Variants in ANKRD13D observed in about 807,000 individuals in gnomAD.
The protein encoded by ANKRD13D is ankyrin repeat domain 13D, also known as ankyrin repeat domain-containing protein 13D.
ANKRD13D carries 24 observed loss-of-function variants against 68.8 expected under a neutral mutation model. That is an observed-to-expected ratio of 0.35 (90% CI 0.25 to 0.49). The LOEUF is 0.49. ANKRD13D is among the 20% of genes least tolerant of loss of function. ANKRD13D has a pLI of 0.99. For missense variants in ANKRD13D, 735 were observed against 832.1 expected (o/e 0.88, Z 1.44); for synonymous variants, 331 against 336.1 (o/e 0.98, Z 0.16).
chr11:67,299,984 C>T lies in ANKRD13D; in HGVS notation c.943-9C>T, dbSNP rs373727800. 53 of 1,610,074 alleles carry T rather than the reference C, an allele frequency of 3.3e-5. No homozygotes were observed. Among genetic ancestry groups the T allele is most frequent in the Non-Finnish European group, 4.1e-5 (48 of 1,177,702 alleles). On this transcript the variant is annotated splice_polypyrimidine_tract_variant and intron_variant, in intron 9 of 14. Coordinates refer to ENST00000511455, the MANE Select transcript of ANKRD13D (RefSeq NM_207354.3). The surrounding 1 kb of genome is among the most constrained non-coding windows in gnomAD (Gnocchi z 6.2). ...CTTGATGGCTGAGTCCGCCCTGGGACCCACGCAGGCCCCCGTGCAGCAGGC... is the reference window on the plus strand; with the variant it reads ...CTTGATGGCTGAGTCCGCCCTGGGATCCACGCAGGCCCCCGTGCAGCAGGC...
chr11:67,299,156 TAGG>T lies in ANKRD13D; in HGVS notation c.798+35_798+37del, dbSNP rs776271108. ...GAGGCTAGGGGTGGGGGGCTGGGGG[TAGG>T]AGATGAGGTCCAGGAACTCAGCTCC... On this transcript the variant is annotated intron_variant, in intron 7 of 14. Transcript: ENST00000511455. The surrounding 1 kb of genome is among the most constrained non-coding windows in gnomAD (Gnocchi z 6.2). 1.2e-5 allele frequency: 15 copies of T among 1,210,474 alleles called. No individual in the cohort carries two copies. The highest frequency in any genetic ancestry group is 1.8e-5 in the Non-Finnish European group (15 of 817,334). 75.0% of individuals were successfully genotyped at this position (1,210,474 alleles called of 1,614,324 possible).
At chr11:67,290,546 T>G in intron 3 of ANKRD13D, 100 bp downstream of exon 3, 1 of 1,454,726 alleles carries the variant, frequency 6.9e-7, no homozygotes, top group East Asian at 2.5e-5. Flanking sequence ...GTTTGTGCAG[T>G]GTGCCTCCTG....
chr11:67,298,891 C>G, intron 6 of ANKRD13D, 167 bp from the exon 7 acceptor site: 3 of 674,826 alleles, frequency 4.4e-6, no homozygotes, highest in Non-Finnish European at 8.0e-6. Flanking sequence ...TCAAGTGTCC[C>G]CCCCTGTCCA....
At chr11:67,291,265 A>G in intron 3 of ANKRD13D, 1 of 565,240 alleles carries the variant, frequency 1.8e-6, no homozygotes, top group South Asian at 2.2e-5. Context: ...GCTGAGGTGG[A>G]AGAATCACCT....
intron 14 of ANKRD13D, 25 bp from the exon 15 acceptor site, chr11:67,302,094 T>C (rs1201400942): frequency 2.6e-6 from 4 of 1,520,346 alleles, no homozygotes; most frequent in Non-Finnish European, 8.8e-7. Flanking sequence ...TGGCCTGTTC[T>C]TCCCTCCCCT....
At chr11:67,294,348 A>G (rs980776131) in intron 6 of ANKRD13D, among the ~76,000 whole-genome samples, 4 of 152,224 alleles carry the variant, frequency 2.6e-5, no homozygotes, top group Admixed American at 1.3e-4. Flanking sequence ...CACTGAATCT[A>G]TAAAGCAGTT....
Position 67,301,230 on chromosome 11 carries a change from G to A in ANKRD13D, c.1232-52G>A, listed in dbSNP as rs373582844. 193 of 1,595,416 alleles carry A rather than the reference G, an allele frequency of 1.2e-4. No homozygotes were observed. Among genetic ancestry groups the A allele is most frequent in the Middle Eastern group, 5.0e-4 (3 of 5,980 alleles). On this transcript the variant is annotated intron_variant, in intron 11 of 14. Coordinates refer to ENST00000511455, the MANE Select transcript of ANKRD13D (RefSeq NM_207354.3). The surrounding 1 kb of genome is among the most constrained non-coding windows in gnomAD (Gnocchi z 4.5). ...CAGTCCCTGGAGAGCTGCAGGGGCC[G>A]GAGGCACAGGTGGCTCTCCGCCAGG... is the stretch of plus-strand genomic sequence containing the variant.
Position 67,298,903 on chromosome 11 carries a change from G to A in ANKRD13D, c.732-155G>A, listed in dbSNP as rs78657670. 1,527 of 725,836 alleles carry A rather than the reference G, an allele frequency of 2.1e-3. 18 individuals are homozygous for A. The African/African-American group carries it at 0.023, about 11-fold the overall frequency. 45.0% of individuals were successfully genotyped at this position (725,836 alleles called of 1,614,324 possible). A position where few individuals can be genotyped will look rare whatever the true frequency, so the allele number is the denominator to read the frequency against. On this transcript the variant is annotated intron_variant, in intron 6 of 14. Coordinates refer to ENST00000511455, the MANE Select transcript of ANKRD13D (RefSeq NM_207354.3). Reference sequence around the variant, plus strand: ...TGCTCAAGTGTCCCCCCCTGTCCAGGCACCCTCTTCAGGGGTCCTCCATGT... The same window carrying A: ...TGCTCAAGTGTCCCCCCCTGTCCAGACACCCTCTTCAGGGGTCCTCCATGT...
At chr11:67,291,444 G>A in intron 3 of ANKRD13D, 32 bp from the exon 4 acceptor site, 2 of 1,613,116 alleles carry the variant, frequency 1.2e-6, no homozygotes, top group Non-Finnish European at 1.7e-6. Flanking sequence ...GCAGCAGGCA[G>A]GGCGCTGACA....
chr11:67,297,321 C>T (rs1274654083), intron 6 of ANKRD13D, among the ~76,000 whole-genome samples: 3 of 151,542 alleles, frequency 2.0e-5, no homozygotes, highest in Non-Finnish European at 4.4e-5. Context: ...ATCCTCCCAC[C>T]TCAGCCTCCT....
Position 67,301,955 on chromosome 11 carries a change from C to T in ANKRD13D, c.1604+132C>T. On this transcript the variant is annotated intron_variant, in intron 14 of 14. Transcript: ENST00000511455. The surrounding 1 kb of genome is among the most constrained non-coding windows in gnomAD (Gnocchi z 4.5). The stretch of plus-strand genomic sequence containing the variant: ...CCTCTGTCAGCAGCGCTATCTGCCA[C>T]CAAAGGTGGTGTGAGGGGTGGGGAA... 1 of 1,336,466 alleles carries T rather than the reference C, an allele frequency of 7.5e-7. No individual in the cohort carries two copies. The highest frequency in any genetic ancestry group is 1.0e-6 in the Non-Finnish European group (1 of 994,024). The allele number at this position is 1,336,466 out of a possible 1,614,324, so 82.8% of individuals were successfully genotyped here.
chr11:67,289,571 C>T (rs1000515371), intron 1 of ANKRD13D, 21 bp downstream of exon 1: 26 of 1,521,228 alleles, frequency 1.7e-5, no homozygotes, highest in Non-Finnish European at 2.1e-5. Flanking sequence ...GCTGGGGCAC[C>T]CGGCCCTTCC....
chr11:67,292,024 A>G lies in ANKRD13D; in HGVS notation c.575A>G (p.Asp192Gly). The change falls in exon 6 of 15, where the codon GAC becomes GGC. Residue 192 changes from aspartate to glycine, a missense_variant. Transcript: ENST00000511455. ...AGALVMEVDHDRQVVHVETLG... is the reference protein window; with the variant it reads ...AGALVMEVDHGRQVVHVETLG... Reference sequence around the variant, plus strand: ...GCCCTGGTGATGGAAGTGGACCATGACCGGCAGGTGGTGCATGTGGAGACA... The same window carrying G: ...GCCCTGGTGATGGAAGTGGACCATGGCCGGCAGGTGGTGCATGTGGAGACA... The G allele has an allele frequency of 6.3e-7, 1 of 1,592,054 alleles. No individual in the cohort carries two copies. The highest frequency in any genetic ancestry group is 1.1e-5 in the South Asian group (1 of 90,172).
chr11:67,291,838 A>T (rs1354908114), intron 5 of ANKRD13D, 92 bp downstream of exon 5: 7 of 1,543,684 alleles, frequency 4.5e-6, no homozygotes, highest in Non-Finnish European at 6.1e-6. Flanking sequence ...CACTTTCCAG[A>T]TGTGGAAGCT....
At position 67,299,591 on chromosome 11, in the gene ANKRD13D, A is replaced by G; in HGVS notation, c.860A>G (p.Gln287Arg). ...TRTRTEHLSDQDKSRSKAGKT... is the reference protein window; with the variant it reads ...TRTRTEHLSDRDKSRSKAGKT... ...ACACGCACGGAGCACCTCTCTGATC[A>G]GGACAAGTCGAGGAGCAAAGGTAAA... Residue 287 changes from glutamine to arginine, a missense_variant, in exon 8 of 15, where the codon CAG (glutamine) becomes CGG (arginine). Transcript: ENST00000511455. This position sits in a 1 kb window ranked among gnomAD's most constrained non-coding sequence, Gnocchi z 6.2. 1.9e-6 allele frequency: 3 copies of G among 1,551,224 alleles called. No homozygotes were observed. The South Asian group carries it at 3.6e-5, about 18-fold the overall frequency.
rs1309795873 is a variant in ANKRD13D, at chr11:67,300,116, G to A, written c.1066G>A (p.Val356Ile). The change falls in exon 10 of 15, where the codon GTA becomes ATA. Residue 356 changes from valine (V) to isoleucine (I), a missense_variant. By Grantham distance (29) the Val-to-Ile change is conservative. Transcript: ENST00000511455. The surrounding 1 kb of genome is among the most constrained non-coding windows in gnomAD (Gnocchi z 4.3). ...IGRPIEMSSK[V>I]QRFKATLWLS... ...CCGCCCCATCGAGATGTCCAGCAAA[G>A]TACAGAGGTGAGGTCTGAGAGCTGG... 1 of 1,614,014 alleles carries A rather than the reference G, an allele frequency of 6.2e-7. No homozygotes were observed. The highest frequency in any genetic ancestry group is 8.5e-7 in the Non-Finnish European group (1 of 1,179,934).
chr11:67,291,809 C>T lies in ANKRD13D; in HGVS notation c.541+63C>T, dbSNP rs11227759. ...TTGGGTTTCCTGCGGCTTGGGAGGA[C>T]GGTGCTGCCTTTTCTCTCCACTTTC... On this transcript the variant is annotated intron_variant, in intron 5 of 14. Transcript: ENST00000511455. 1,077 of 1,589,142 alleles carry T rather than the reference C, an allele frequency of 6.8e-4. 3 individuals carry two copies. Among genetic ancestry groups the T allele is most frequent in the Admixed American group, 6.9e-4 (40 of 58,176 alleles).
At chr11:67,297,015 A>G (rs1312766630) in intron 6 of ANKRD13D, among the ~76,000 whole-genome samples, 4 of 152,060 alleles carry the variant, frequency 2.6e-5, no homozygotes, top group African/African-American at 7.2e-5. Flanking sequence ...TTTTGGTTTC[A>G]TTAATTTTCT....
Position 67,290,187 on chromosome 11 carries a change from G to A in ANKRD13D, c.200G>A (p.Gly67Asp), listed in dbSNP as rs1197385504. 6 of 1,537,668 alleles carry A rather than the reference G, an allele frequency of 3.9e-6. No homozygotes were observed. The highest frequency in any genetic ancestry group is 5.2e-6 in the Non-Finnish European group (6 of 1,146,888). Residue 67 changes from glycine to aspartate, a missense_variant, in exon 2 of 15, where the codon GGC (glycine) becomes GAC (aspartate). Coordinates refer to ENST00000511455, the MANE Select transcript of ANKRD13D (RefSeq NM_207354.3). ...RVLLRHNANVGKENRQGWAVL... is the reference protein window; with the variant it reads ...RVLLRHNANVDKENRQGWAVL... ...CTCCTTCGACACAATGCCAACGTGG[G>A]CAAAGAGAACCGCCAGGGCTGGGCA...
Sources: gnomAD v4.1 joint callset for allele counts (sites outside exome capture counted in the v4.1 genomes callset) on GRCh38, gnomAD v4.1.1 for gene constraint, Gnocchi (gnomAD v3.1) non-coding constraint, MANE v1.5 for transcripts, NCBI Gene and HGNC (gene_info 2026-07-23, HGNC 2026-07-21) for gene names.